GART: variants seen among roughly 807,000 people sequenced by gnomAD.
GART encodes the protein trifunctional purine biosynthetic protein adenosine-3.
In GART, 43 loss-of-function variants were observed where a neutral mutation model predicts 107.2. The ratio of observed to expected loss-of-function variants is 0.40; its 90% CI spans 0.31 to 0.52. The LOEUF (loss-of-function observed/expected upper bound fraction) is 0.52, where lower values mean the gene tolerates loss of function less well. GART is among the 20% of genes least tolerant of loss of function. The probability of loss-of-function intolerance (pLI) is 0.52; values close to 1 mark genes in which losing one functional copy is unlikely to be tolerated. For synonymous variants in GART, 434 were observed against 427.0 expected, an observed-to-expected ratio of 1.02 and a Z score of -0.20; for missense variants, 1,107 against 1,206.5, an observed-to-expected ratio of 0.92 and a Z score of 1.22.
Position 33,516,934 on chromosome 21 carries a change from A to G in GART, c.2107+55T>C, listed in dbSNP as rs562628001. The G allele has an allele frequency of 3.4e-6, 5 of 1,460,830 alleles. No homozygotes were observed. In the South Asian group the frequency reaches 6.4e-5, roughly 19 times the overall value. 90.5% of individuals were successfully genotyped at this position (1,460,830 alleles called of 1,614,324 possible). A position where few individuals can be genotyped will look rare whatever the true frequency, so the allele number is the denominator to read the frequency against. ...TAACTACCCATAGTTTTCTCGCACA[A>G]TGCATTTTTTTCCTCAGCAATTTTC... On this transcript the variant is annotated intron_variant, in intron 16 of 21. Coordinates refer to ENST00000381815, the MANE Select transcript of GART (RefSeq NM_000819.5).
rs1243679462 is a variant in GART, at chr21:33,504,262, C to G, written c.2895G>C (p.Arg965Ser). 2 of 1,614,056 alleles carry G rather than the reference C, an allele frequency of 1.2e-6. No individual in the cohort carries two copies. The highest frequency in any genetic ancestry group is 1.1e-5 in the South Asian group (1 of 91,072). ...IILQEAVPVK[R>S]GDTVATLSER... is the part of the protein sequence containing the mutation. ...CAGAAAGAGTTGCGACAGTATCACCCCTCTTCACGGGAACAGCTTCTTGCA... is the reference window on the plus strand; with the variant it reads ...CAGAAAGAGTTGCGACAGTATCACCGCTCTTCACGGGAACAGCTTCTTGCA... The change falls in exon 22 of 22, where the codon AGG becomes AGC. Residue 965 changes from arginine (R) to serine (S), a missense_variant. Coordinates refer to ENST00000381815, the MANE Select transcript of GART (RefSeq NM_000819.5).
chr21:33,517,084 C>G lies in GART; in HGVS notation c.2012G>C (p.Arg671Pro). 6.2e-7 allele frequency: 1 copy of G among 1,613,346 alleles called. No individual in the cohort carries two copies. Among genetic ancestry groups the G allele is most frequent in the Non-Finnish European group, 8.5e-7 (1 of 1,179,410 alleles). ...GGCAAAGGCTTTGACATGTCCTGAA[C>G]GTAGGACAGGTAACAGTGAATGGCT... is the stretch of plus-strand genomic sequence containing the variant. ...IYSHSLLPVL[R>P]SGHVKAFAHI... is the part of the protein sequence containing the mutation. Residue 671 changes from arginine (R) to proline (P), a missense_variant, in exon 16 of 22, where the codon CGT (arginine) becomes CCT (proline). Coordinates refer to ENST00000381815, the MANE Select transcript of GART (RefSeq NM_000819.5).
chr21:33,525,826 C>T (rs1354641949), intron 10 of GART, among the ~76,000 whole-genome samples: 1 of 151,292 alleles, frequency 6.6e-6, no homozygotes, highest in African/African-American at 2.4e-5. Context: ...AAAAATCCTG[C>T]ATCTGATCAC....
At chr21:33,507,453 G>A (rs2084701699) in intron 18 of GART, among the ~76,000 whole-genome samples, 1 of 152,164 alleles carries the variant, frequency 6.6e-6, no homozygotes, top group Admixed American at 6.5e-5. Context: ...AATATAGTTA[G>A]AATGAACAAA....
intron 12 of GART, among the ~76,000 whole-genome samples, chr21:33,521,302 TGA>T (rs910377503): frequency 2.6e-5 from 4 of 152,212 alleles, no homozygotes; most frequent in Admixed American, 1.3e-4. Flanking sequence ...TTCCTGAGTA[TGA>T]GAGATTGCAC....
intron 18 of GART, among the ~76,000 whole-genome samples, chr21:33,506,989 G>A (rs2084693522): frequency 6.6e-6 from 1 of 151,998 alleles, no homozygotes; most frequent in Admixed American, 6.6e-5. Flanking sequence ...TTATTATGGA[G>A]AACAGTTTGA....
At chr21:33,518,979 A>C in intron 14 of GART, 1 of 354,886 alleles carries the variant, frequency 2.8e-6, no homozygotes. Flanking sequence ...AAACATACTC[A>C]CCCCTTCAAT....
chr21:33,520,716 T>A, intron 13 of GART, 154 bp from the exon 14 acceptor site: 1 of 711,970 alleles, frequency 1.4e-6, no homozygotes, highest in Non-Finnish European at 2.3e-6. Context: ...TCCTCTAAAG[T>A]ACCCTTCCAT....
At chr21:33,537,643 C>G (rs143471866) in intron 2 of GART, among the ~76,000 whole-genome samples, 1 of 152,076 alleles carries the variant, frequency 6.6e-6, no homozygotes, top group African/African-American at 2.4e-5. Context: ...TTAAGTGGAG[C>G]TCTGAATAAT....
At chr21:33,533,391 A>C (rs1004277721) in intron 4 of GART, among the ~76,000 whole-genome samples, 3 of 151,294 alleles carry the variant, frequency 2.0e-5, no homozygotes, top group African/African-American at 7.3e-5. Flanking sequence ...GTGAGCCGAG[A>C]TAGAGATAGC....
chr21:33,526,712 A>G (rs946655364), intron 10 of GART, among the ~76,000 whole-genome samples: 1 of 152,046 alleles, frequency 6.6e-6, no homozygotes, highest in African/African-American at 2.4e-5. Context: ...CTGCCCCTTC[A>G]CTGTATTTTG....
chr21:33,525,427 T>C (rs944494929), intron 10 of GART, among the ~76,000 whole-genome samples: 6 of 152,174 alleles, frequency 3.9e-5, no homozygotes, highest in African/African-American at 1.4e-4. Context: ...GAACCTTCCC[T>C]ATCAGACAGG....
Position 33,517,390 on chromosome 21 carries a change from G to C in GART, c.1921C>G (p.Pro641Ala), listed in dbSNP as rs34588874. 2,226 of 1,614,146 alleles carry C rather than the reference G, an allele frequency of 1.4e-3. 27 individuals are homozygous for C. The African/African-American group carries it at 0.026, about 19-fold the overall frequency. Residue 641 changes from proline to alanine, a missense_variant, in exon 15 of 22, where the codon CCA becomes GCA. Pro to Ala is a conservative substitution (Grantham distance 27). Coordinates refer to ENST00000381815, the MANE Select transcript of GART (RefSeq NM_000819.5). ...TGGTCACCACAACCATCAGGTGCTG[G>C]AGAGGAGTACTGGAGGGAAGATTTT... ...VAKSSLQYSS[P>A]APDGCGDQTL... is the part of the protein sequence containing the mutation.
Position 33,539,242 on chromosome 21 carries a change from T to A in GART, c.74A>T (p.His25Leu). The A allele has an allele frequency of 6.2e-7, 1 of 1,610,864 alleles. No homozygotes were observed. The highest frequency in any genetic ancestry group is 8.5e-7 in the Non-Finnish European group (1 of 1,177,006). Residue 25 changes from histidine to leucine, a missense_variant, in exon 2 of 22, where the codon CAT (histidine) becomes CTT (leucine). By Grantham distance (99) the His-to-Leu change is moderately conservative. Transcript: ENST00000381815. ...GGCAACCAACACTTGTTTGACATGA[T>A]GAGACTGTGCAAGTTTCCAGGCCAG... ...HTLAWKLAQSHHVKQVLVAPG... is the reference protein window; with the variant it reads ...HTLAWKLAQSLHVKQVLVAPG...
chr21:33,530,745 T>A lies in GART; in HGVS notation c.723+14A>T. The A allele has an allele frequency of 7.0e-7, 1 of 1,437,334 alleles. No individual in the cohort carries two copies. The highest frequency in any genetic ancestry group is 9.1e-7 in the Non-Finnish European group (1 of 1,093,082). The allele number at this position is 1,437,334 out of a possible 1,614,324, so 89.0% of individuals were successfully genotyped here. A position where few individuals can be genotyped will look rare whatever the true frequency, so the allele number is the denominator to read the frequency against. ...AAACTACTACAAGACTTCAGCAGAG[T>A]CTTCGGGAAGTACCTGAGGGGCTGG... On this transcript the variant is annotated intron_variant, in intron 7 of 21. Coordinates refer to ENST00000381815, the MANE Select transcript of GART (RefSeq NM_000819.5).
chr21:33,511,576 A>G, intron 16 of GART, 118 bp from the exon 17 acceptor site: 1 of 1,057,182 alleles, frequency 9.5e-7, no homozygotes, highest in Non-Finnish European at 1.4e-6. Flanking sequence ...TATGTAGGGT[A>G]AAACTATAAA....
At position 33,524,785 on chromosome 21, in the gene GART, A is replaced by G; in HGVS notation, c.1282T>C (p.Phe428Leu). The G allele has an allele frequency of 1.2e-6, 2 of 1,614,270 alleles. No homozygotes were observed. Among genetic ancestry groups the G allele is most frequent in the South Asian group, 1.1e-5 (1 of 91,090 alleles). The change falls in exon 11 of 22, where the codon TTC becomes CTC. Residue 428 changes from phenylalanine to leucine, a missense_variant. Physicochemically the swap from Phe to Leu is conservative, Grantham distance 22. Transcript: ENST00000381815. ...GAGTTTTACCTGGGCTGCTGGAGGA[A>G]AGCTATGGCACGAAAGCCGACGTCT... is the stretch of plus-strand genomic sequence containing the variant. Reference protein sequence around the residue: ...RKDVGFRAIAFLQQPRSLTYK... With the variant: ...RKDVGFRAIALLQQPRSLTYK...
intron 20 of GART, among the ~76,000 whole-genome samples, chr21:33,505,187 G>T (rs892357480): frequency 6.6e-6 from 1 of 152,126 alleles, no homozygotes; most frequent in African/African-American, 2.4e-5. Flanking sequence ...TTCATTTTGG[G>T]ATATACGGAA....
At chr21:33,529,842 T>C (rs184238377) in intron 7 of GART, 2 of 154,332 alleles carry the variant, frequency 1.3e-5, no homozygotes, top group East Asian at 3.9e-4. Context: ...ATGAAAAGAA[T>C]AGGTGAGTTT....
Sources: gnomAD v4.1 joint callset for allele counts (sites outside exome capture counted in the v4.1 genomes callset) on GRCh38, gnomAD v4.1.1 for gene constraint, MANE v1.5 for transcripts, NCBI Gene and HGNC (gene_info 2026-07-23, HGNC 2026-07-21) for gene names.